Variants in SGMS1 observed in about 807,000 individuals in gnomAD.
SGMS1 encodes sphingomyelin synthase 1.
Under a neutral mutation model 46.2 loss-of-function variants are expected in SGMS1, and 13 were observed. The observed-to-expected ratio is 0.28, with a 90% confidence interval of 0.18 to 0.45. SGMS1 has a LOEUF of 0.45. SGMS1 is among the 20% of genes least tolerant of loss of function. The pLI is 1.00. For missense variants in SGMS1, 324 were observed against 519.9 expected (o/e 0.62, Z 3.66); for synonymous variants, 203 against 187.8 (o/e 1.08, Z -0.66).
intron 4 of SGMS1, among the ~76,000 whole-genome samples, chr10:50,462,092 T>C (rs1268027851): frequency 1.3e-5 from 2 of 151,476 alleles, no homozygotes; most frequent in South Asian, 2.1e-4. Context: ...CGAGACCTCA[T>C]ATCTACAAAA....
At chr10:50,350,103 G>A (rs188723272) in intron 6 of SGMS1, among the ~76,000 whole-genome samples, 6 of 152,328 alleles carry the variant, frequency 3.9e-5, no homozygotes, top group Admixed American at 2.0e-4. Context: ...GGTCCAGGCT[G>A]AGGTGGACTC....
chr10:50,510,761 A>G (rs1034377670), intron 3 of SGMS1, among the ~76,000 whole-genome samples: 3 of 152,190 alleles, frequency 2.0e-5, no homozygotes, highest in African/African-American at 7.2e-5. Flanking sequence ...GACACTGGGT[A>G]CAATACTATT....
intron 5 of SGMS1, among the ~76,000 whole-genome samples, chr10:50,460,341 C>T (rs1042460086): frequency 1.4e-4 from 21 of 152,284 alleles, no homozygotes; most frequent in Admixed American, 6.5e-4. Context: ...TGAGCTTTGA[C>T]ATTGACTGCT....
Position 50,373,798 on chromosome 10 carries a change from T to A in SGMS1, c.-231-29453A>T, listed in dbSNP as rs1372670918. Among the ~76,000 whole-genome samples, 4 of 152,196 alleles carry A rather than the reference T, an allele frequency of 2.6e-5. No individual in the cohort carries two copies. The East Asian group carries it at 5.8e-4, about 22-fold the overall frequency. ...AATACCCAACAATGGCTTCTAAAAT[T>A]ATTTCTGGAAACTACTTTCTTACCA... On this transcript the variant is annotated intron_variant, in intron 6 of 10. Transcript: ENST00000361781.
At chr10:50,311,065 G>C (rs769925515) in intron 9 of SGMS1, among the ~76,000 whole-genome samples, 197 bp downstream of exon 9, 7 of 152,144 alleles carry the variant, frequency 4.6e-5, no homozygotes, top group African/African-American at 7.2e-5. Flanking sequence ...AGGACACCTC[G>C]TCCTCAGGAA....
chr10:50,582,018 T>C (rs937220359), intron 2 of SGMS1, among the ~76,000 whole-genome samples: 2 of 152,244 alleles, frequency 1.3e-5, no homozygotes, highest in African/African-American at 4.8e-5. Flanking sequence ...GCAGAGCCTG[T>C]CCTGCAGTGA....
At chr10:50,475,826 TA>T (rs1411107929) in intron 3 of SGMS1, among the ~76,000 whole-genome samples, 1 of 152,098 alleles carries the variant, frequency 6.6e-6, no homozygotes, top group Non-Finnish European at 1.5e-5. Flanking sequence ...CCATGATTGT[TA>T]AATTTCCTTA....
intron 3 of SGMS1, among the ~76,000 whole-genome samples, chr10:50,518,865 G>A (rs181365417): frequency 3.0e-4 from 45 of 152,230 alleles, no homozygotes; most frequent in African/African-American, 1.1e-3. Context: ...TTCTCCAAAG[G>A]ATATCAAAGA....
chr10:50,481,516 C>T lies in SGMS1; in HGVS notation c.-497-14584G>A, dbSNP rs117225829. Reference sequence around the variant, plus strand: ...AACAACATCAACAAAAAAGACCCCACAAAACCCTATCCAAAGGTCAGCAGC... The same window carrying T: ...AACAACATCAACAAAAAAGACCCCATAAAACCCTATCCAAAGGTCAGCAGC... On this transcript the variant is annotated intron_variant, in intron 3 of 10. Transcript: ENST00000361781. Among the ~76,000 whole-genome samples the T allele has an allele frequency of 5.4e-3, 820 of 152,242 alleles. 12 individuals carry two copies. Among genetic ancestry groups the T allele is most frequent in the East Asian group, 0.045 (231 of 5,178 alleles).
At chr10:50,393,024 T>C (rs561239851) in intron 6 of SGMS1, among the ~76,000 whole-genome samples, 3 of 151,990 alleles carry the variant, frequency 2.0e-5, no homozygotes, top group Admixed American at 6.6e-5. Context: ...AAAAAATTTA[T>C]GTTGGGTGGT....
chr10:50,512,217 C>T (rs900739080), intron 3 of SGMS1, among the ~76,000 whole-genome samples: 1 of 151,936 alleles, frequency 6.6e-6, no homozygotes, highest in Admixed American at 6.6e-5. Flanking sequence ...AGACGCAGGA[C>T]AGAAGGAGAT....
At chr10:50,354,992 T>C (rs1369899708) in intron 6 of SGMS1, among the ~76,000 whole-genome samples, 1 of 152,212 alleles carries the variant, frequency 6.6e-6, no homozygotes, top group East Asian at 1.9e-4. Flanking sequence ...ACACTGTTGG[T>C]GGGACTGTAA....
At chr10:50,339,069 C>T (rs971089907) in intron 7 of SGMS1, among the ~76,000 whole-genome samples, 1 of 152,222 alleles carries the variant, frequency 6.6e-6, no homozygotes, top group Non-Finnish European at 1.5e-5. Flanking sequence ...CCCCCTGCTT[C>T]AACTCTTGCT....
At chr10:50,552,987 T>G (rs547939408) in intron 2 of SGMS1, among the ~76,000 whole-genome samples, 6 of 152,308 alleles carry the variant, frequency 3.9e-5, no homozygotes, top group Admixed American at 3.9e-4. Flanking sequence ...GATTCTCTCC[T>G]AGAACCTGCA....
intron 1 of SGMS1, among the ~76,000 whole-genome samples, chr10:50,599,221 C>CA (rs942548314): frequency 6.7e-6 from 1 of 148,464 alleles, no homozygotes; most frequent in South Asian, 2.1e-4. Flanking sequence ...AAAACAGTAA[C>CA]AAAAAAACAG....
At chr10:50,534,494 A>C (rs1226273118) in intron 2 of SGMS1, among the ~76,000 whole-genome samples, 4 of 152,212 alleles carry the variant, frequency 2.6e-5, no homozygotes, top group Non-Finnish European at 5.9e-5. Context: ...ACCATTATCC[A>C]TCAGGAGCCT....
At chr10:50,496,012 A>G (rs1588853626) in intron 3 of SGMS1, among the ~76,000 whole-genome samples, 1 of 152,208 alleles carries the variant, frequency 6.6e-6, no homozygotes, top group African/African-American at 2.4e-5. Flanking sequence ...TTTTTTAAAA[A>G]TAAAACAGCA....
At chr10:50,311,874 G>A (rs1589380128) in intron 8 of SGMS1, among the ~76,000 whole-genome samples, 1 of 152,154 alleles carries the variant, frequency 6.6e-6, no homozygotes, top group East Asian at 1.9e-4. Flanking sequence ...TGAAGGTTTG[G>A]GTAGTCAAAT....
chr10:50,321,453 G>A (rs1847442235), intron 8 of SGMS1, among the ~76,000 whole-genome samples: 1 of 151,994 alleles, frequency 6.6e-6, no homozygotes, highest in Non-Finnish European at 1.5e-5. Flanking sequence ...TTTAATCACT[G>A]AAAAAGGAAG....
Sources: gnomAD v4.1 joint callset for allele counts (sites outside exome capture counted in the v4.1 genomes callset) on GRCh38, gnomAD v4.1.1 for gene constraint, MANE v1.5 for transcripts, NCBI Gene and HGNC (gene_info 2026-07-23, HGNC 2026-07-21) for gene names.